Variants in PPARA observed in about 807,000 individuals in gnomAD.
The protein encoded by PPARA is peroxisome proliferator activated receptor alpha.
PPARA carries 22 observed loss-of-function variants against 42.2 expected under a neutral mutation model. The ratio of observed to expected loss-of-function variants is 0.52; its 90% confidence interval spans 0.37 to 0.74. PPARA has a LOEUF of 0.74. Ranked by LOEUF, PPARA falls within the 30% of genes least tolerant of loss-of-function variation. The probability of loss-of-function intolerance (pLI) is 0.00; values close to 1 mark genes in which losing one functional copy is unlikely to be tolerated. For missense variants in PPARA, 465 were observed against 608.2 expected (o/e 0.76, Z 2.48); for synonymous variants, 242 against 239.3 (o/e 1.01, Z -0.10).
At chr22:46,179,895 G>A (rs1443391983) in intron 3 of PPARA, among the ~76,000 whole-genome samples, 1 of 152,140 alleles carries the variant, frequency 6.6e-6, no homozygotes, top group Non-Finnish European at 1.5e-5. Flanking sequence ...TTAAAAATGG[G>A]CAAGAGATCT....
chr22:46,205,721 C>T (rs1933237785), intron 4 of PPARA, among the ~76,000 whole-genome samples: 1 of 150,882 alleles, frequency 6.6e-6, no homozygotes, highest in African/African-American at 2.4e-5. Context: ...CATGTGCTAC[C>T]AGGCCCGGCT....
In PPARA at chr22:46,225,809, C is replaced by T. The variant is rs1043541050; in HGVS notation, c.711+5795C>T. Among the ~76,000 whole-genome samples, 8 of 149,182 alleles carry T rather than the reference C, an allele frequency of 5.4e-5. No individual in the cohort carries two copies. Among genetic ancestry groups the T allele is most frequent in the Admixed American group, 3.3e-4 (5 of 15,046 alleles). ...CACACCCCCACACATACACGTGCACCCACACATGCACACAGACGCACCTCC... is the reference window on the plus strand; with the variant it reads ...CACACCCCCACACATACACGTGCACTCACACATGCACACAGACGCACCTCC... On this transcript the variant is annotated intron_variant, in intron 7 of 8. Transcript: ENST00000407236. This position sits in a 1 kb window ranked among gnomAD's most constrained non-coding sequence, Gnocchi z 4.1.
rs1936320811 is a variant in PPARA, at chr22:46,239,674, C to G, written c.*4294C>G. The G allele has an allele frequency of 6.8e-6, 1 of 146,102 alleles. No homozygotes were observed. The highest frequency in any genetic ancestry group is 2.4e-4 in the South Asian group (1 of 4,118). 9.1% of individuals were successfully genotyped at this position (146,102 alleles called of 1,614,324 possible). A position where few individuals can be genotyped will look rare whatever the true frequency, so the allele number is the denominator to read the frequency against. On this transcript the variant is annotated 3_prime_UTR_variant, in exon 9 of 9. Transcript: ENST00000407236. ...CCCCGCACCGCCCCCAGCACCCCCT[C>G]TCCTCTTCACCTCTTCCTGCTGGCC... is the stretch of plus-strand genomic sequence containing the variant.
chr22:46,231,891 C>T lies in PPARA; in HGVS notation c.811C>T (p.Arg271Cys). 6.2e-7 allele frequency: 1 copy of T among 1,614,090 alleles called. No homozygotes were observed. Among genetic ancestry groups the T allele is most frequent in the Non-Finnish European group, 8.5e-7 (1 of 1,179,980 alleles). The stretch of plus-strand genomic sequence containing the variant: ...CATCCAGAACAAGGAGGCGGAGGTC[C>T]GCATCTTTCACTGCTGCCAGTGCAC... ...NGIQNKEAEVRIFHCCQCTSV... is the reference protein window; with the variant it reads ...NGIQNKEAEVCIFHCCQCTSV... Residue 271 changes from arginine (R) to cysteine (C), a missense_variant, in exon 8 of 9, where the codon CGC becomes TGC. By Grantham distance (180) the Arg-to-Cys change is radical. Coordinates refer to ENST00000407236, the MANE Select transcript of PPARA (RefSeq NM_005036.6). The surrounding 1 kb of genome is among the most constrained non-coding windows in gnomAD (Gnocchi z 7.7).
chr22:46,185,172 T>G lies in PPARA; in HGVS notation c.-43+8336T>G, dbSNP rs4253691. Among the ~76,000 whole-genome samples the G allele has an allele frequency of 1.7e-3, 265 of 152,330 alleles. 1 individual carries two copies. Among genetic ancestry groups the G allele is most frequent in the African/African-American group, 6.2e-3 (258 of 41,572 alleles). ...TCTCCTGGACTGGTCCTCTCTTACT[T>G]CTCTTGCTTCTCCCATGTTCCATCT... On this transcript the variant is annotated intron_variant, in intron 3 of 8. Transcript: ENST00000407236.
intron 4 of PPARA, among the ~76,000 whole-genome samples, chr22:46,213,929 T>A (rs1457231401): frequency 6.6e-6 from 1 of 152,238 alleles, no homozygotes; most frequent in African/African-American, 2.4e-5. Flanking sequence ...GACCTCTTTG[T>A]ATATTACCAC....
chr22:46,181,234 T>G (rs1195835358), intron 3 of PPARA, among the ~76,000 whole-genome samples: 3 of 150,926 alleles, frequency 2.0e-5, no homozygotes, highest in Non-Finnish European at 3.0e-5. Context: ...AGCGGGGAGG[T>G]GTGTGAAAGA....
chr22:46,151,312 G>A (rs1924386812), intron 1 of PPARA: 1 of 152,248 alleles, frequency 6.6e-6, no homozygotes, highest in South Asian at 2.1e-4. Context: ...CGCTGGGCCG[G>A]GTGGCTTCTC....
intron 3 of PPARA, 140 bp from the exon 4 acceptor site, chr22:46,198,202 C>T: frequency 4.4e-6 from 1 of 226,302 alleles, no homozygotes; most frequent in Non-Finnish European, 7.7e-6. Flanking sequence ...TGTGCCCCTG[C>T]ACTCCAGCCT....
chr22:46,215,029 C>T, intron 4 of PPARA, 144 bp from the exon 5 acceptor site: 1 of 971,620 alleles, frequency 1.0e-6, no homozygotes, highest in South Asian at 1.4e-5. Flanking sequence ...GACCCAGAGG[C>T]AGGGCCCGGC....
rs1205280685 is a variant in PPARA at position 46,203,283 on chromosome 22, G to A, written c.208+4692G>A. ...TCTTTTGGGTAATATTCCTAGTTAT[G>A]TAGACTGGTCTCTCAGAAGAGCCGG... On this transcript the variant is annotated intron_variant, in intron 4 of 8. Coordinates refer to ENST00000407236, the MANE Select transcript of PPARA (RefSeq NM_005036.6). The surrounding 1 kb of genome is among the most constrained non-coding windows in gnomAD (Gnocchi z 5.8). Among the ~76,000 whole-genome samples, 1 of 152,160 alleles carries A rather than the reference G, an allele frequency of 6.6e-6. No homozygotes were observed. The highest frequency in any genetic ancestry group is 1.5e-5 in the Non-Finnish European group (1 of 68,020).
chr22:46,172,510 C>T (rs1430639387), intron 2 of PPARA, among the ~76,000 whole-genome samples: 1 of 151,946 alleles, frequency 6.6e-6, no homozygotes, highest in Non-Finnish European at 1.5e-5. Context: ...TCCAGCTACT[C>T]AGGAGGCTGA....
rs923691779 is a variant in PPARA at position 46,175,988 on chromosome 22, G to C, written c.-126-765G>C. On this transcript the variant is annotated intron_variant, in intron 2 of 8. Coordinates refer to ENST00000407236, the MANE Select transcript of PPARA (RefSeq NM_005036.6). ...TTGGTTTTCTGGTTTGTTTTAAACA[G>C]TTCTAGCCAGGCACGGTGGCTCACA... The C allele has an allele frequency of 3.3e-5, 5 of 151,836 alleles. No individual in the cohort carries two copies. The East Asian group carries it at 9.7e-4, about 29-fold the overall frequency. The allele number at this position is 151,836 out of a possible 1,614,324, so 9.4% of individuals were successfully genotyped here.
chr22:46,153,246 C>T lies in PPARA; in HGVS notation c.-127+1276C>T, dbSNP rs114015755. Among the ~76,000 whole-genome samples the T allele has an allele frequency of 5.8e-3, 852 of 146,936 alleles. 10 individuals are homozygous for T. The highest frequency in any genetic ancestry group is 0.02 in the African/African-American group (808 of 39,914). On this transcript the variant is annotated intron_variant, in intron 2 of 8. Coordinates refer to ENST00000407236, the MANE Select transcript of PPARA (RefSeq NM_005036.6). Reference sequence around the variant, plus strand: ...GTGCAGTGGCATGATCTTGGCTCACCGCAACGTCCACCTCACGGATTCGAA... The same window carrying T: ...GTGCAGTGGCATGATCTTGGCTCACTGCAACGTCCACCTCACGGATTCGAA...
chr22:46,191,490 T>G lies in PPARA; in HGVS notation c.-42-6852T>G, dbSNP rs972857891. Among the ~76,000 whole-genome samples the G allele has an allele frequency of 3.0e-3, 457 of 152,164 alleles. 5 individuals carry two copies. The highest frequency in any genetic ancestry group is 0.011 in the African/African-American group (447 of 41,520). On this transcript the variant is annotated intron_variant, in intron 3 of 8. Transcript: ENST00000407236. This position sits in a 1 kb window ranked among gnomAD's most constrained non-coding sequence, Gnocchi z 4.6. ...TCCCTATTGTGTTCAGTATGGTTTT[T>G]TTTTTTTTTTTCCTTTTGCTGGCTT...
intron 2 of PPARA, among the ~76,000 whole-genome samples, chr22:46,174,912 T>A (rs1928784554): frequency 6.6e-6 from 1 of 152,006 alleles, no homozygotes; most frequent in South Asian, 2.1e-4. Flanking sequence ...TTGTAGTTTT[T>A]TTTACTTTTT....
In PPARA at chr22:46,196,817, T is replaced by C. The variant is rs1932291022; in HGVS notation, c.-42-1525T>C. The stretch of plus-strand genomic sequence containing the variant: ...AGCTCACCGCAACCTCCGCCTCCCA[T>C]GTTCAAGCGGTTCTCCTGCCTCAAC... On this transcript the variant is annotated intron_variant, in intron 3 of 8. Coordinates refer to ENST00000407236, the MANE Select transcript of PPARA (RefSeq NM_005036.6). The surrounding 1 kb of genome is among the most constrained non-coding windows in gnomAD (Gnocchi z 5.6). Among the ~76,000 whole-genome samples the C allele has an allele frequency of 6.6e-6, 1 of 151,946 alleles. No homozygotes were observed. The highest frequency in any genetic ancestry group is 1.9e-4 in the East Asian group (1 of 5,162).
chr22:46,183,780 A>G lies in PPARA; in HGVS notation c.-43+6944A>G, dbSNP rs187672174. ...ACAAAACAAAAAAAGCTAAATTATC[A>G]AATGTCTAGATCGTTGATGGTTGGA... On this transcript the variant is annotated intron_variant, in intron 3 of 8. Coordinates refer to ENST00000407236, the MANE Select transcript of PPARA (RefSeq NM_005036.6). This position sits in a 1 kb window ranked among gnomAD's most constrained non-coding sequence, Gnocchi z 5.5. Among the ~76,000 whole-genome samples the G allele has an allele frequency of 9.5e-4, 144 of 152,280 alleles. 2 individuals are homozygous for G. The highest frequency in any genetic ancestry group is 7.7e-3 in the Admixed American group (118 of 15,280).
At position 46,203,625 on chromosome 22, in the gene PPARA, C is replaced by T. The variant is rs1398365349; in HGVS notation, c.208+5034C>T. On this transcript the variant is annotated intron_variant, in intron 4 of 8. Transcript: ENST00000407236. The surrounding 1 kb of genome is among the most constrained non-coding windows in gnomAD (Gnocchi z 5.8). The stretch of plus-strand genomic sequence containing the variant: ...GAAGGGTGAGGAGAGCAGTATTGGG[C>T]GAAAAGGAAAAAAGAAAAAAACTCT... Among the ~76,000 whole-genome samples the T allele has an allele frequency of 1.3e-5, 2 of 151,952 alleles. No homozygotes were observed. The highest frequency in any genetic ancestry group is 2.9e-5 in the Non-Finnish European group (2 of 67,984).
Sources: gnomAD v4.1 joint callset for allele counts (sites outside exome capture counted in the v4.1 genomes callset) on GRCh38, gnomAD v4.1.1 for gene constraint, Gnocchi (gnomAD v3.1) non-coding constraint, MANE v1.5 for transcripts, NCBI Gene and HGNC (gene_info 2026-07-23, HGNC 2026-07-21) for gene names.